Variants in FES observed in about 807,000 individuals in gnomAD.
FES encodes the protein FES proto-oncogene, tyrosine kinase.
Under a neutral mutation model 109.6 loss-of-function variants are expected in FES, and 83 were observed. The ratio of observed to expected loss-of-function variants is 0.76; its 90% CI spans 0.63 to 0.91. FES has a LOEUF of 0.91. Ranked by LOEUF, FES falls within the 40% of genes least tolerant of loss-of-function variation. FES has a pLI of 0.00. For synonymous variants in FES, 458 were observed against 442.1 expected (o/e 1.04, Z -0.45); for missense variants, 943 against 1,070.9 (o/e 0.88, Z 1.67).
At chr15:90,892,356 G>A (rs979573386) in intron 13 of FES, 8 of 595,774 alleles carry the variant, frequency 1.3e-5, no homozygotes, top group Non-Finnish European at 2.1e-5. Context: ...CGCCCCCATC[G>A]AGCTCTTGTG....
Position 90,892,692 on chromosome 15 carries a change from C to A in FES, c.1708-15C>A. 6.3e-7 allele frequency: 1 copy of A among 1,593,194 alleles called. No homozygotes were observed. Among genetic ancestry groups the A allele is most frequent in the Non-Finnish European group, 8.6e-7 (1 of 1,169,012 alleles). ...GGACTGGGAAGGCCGTGGTAGGAGC[C>A]CAAGACCGTTTCAGGGGAACTTTGG... On this transcript the variant is annotated splice_polypyrimidine_tract_variant and intron_variant, in intron 13 of 18. Transcript: ENST00000328850.
Position 90,895,573 on chromosome 15 carries a change from T to A in FES, c.*15T>A. On this transcript the variant is annotated 3_prime_UTR_variant, in exon 19 of 19. Coordinates refer to ENST00000328850, the MANE Select transcript of FES (RefSeq NM_002005.4). ...GGCATCGGTGAGGCTGGGACCCCCT[T>A]CTCAAGCTGGTGGCCTCTGCAGGCC... 5.2e-6 allele frequency: 8 copies of A among 1,540,334 alleles called. No homozygotes were observed. The highest frequency in any genetic ancestry group is 7.0e-6 in the Non-Finnish European group (8 of 1,140,894).
In FES at chr15:90,885,540, G is replaced by C. The variant is rs1596089410; in HGVS notation, c.342G>C (p.Lys114Asn). The stretch of plus-strand genomic sequence containing the variant: ...TCCGGGAACGGCAGCAGCTTCGCAA[G>C]ACCTACAGCGAGCAGTGGCAGCAGC... Reference protein sequence around the residue: ...LLIRERQQLRKTYSEQWQQLQ... With the variant: ...LLIRERQQLRNTYSEQWQQLQ... Residue 114 changes from lysine to asparagine, a missense_variant, in exon 3 of 19, where the codon AAG becomes AAC. Physicochemically the swap from Lys to Asn is moderately conservative, Grantham distance 94. Coordinates refer to ENST00000328850, the MANE Select transcript of FES (RefSeq NM_002005.4). 4 of 1,613,206 alleles carry C rather than the reference G, an allele frequency of 2.5e-6. No individual in the cohort carries two copies. The highest frequency in any genetic ancestry group is 3.4e-6 in the Non-Finnish European group (4 of 1,180,012).
rs375900918 is a variant in FES, at chr15:90,889,267, C to T, written c.669-39C>T. 1.9e-4 allele frequency: 304 copies of T among 1,609,008 alleles called. No homozygotes were observed. Among genetic ancestry groups the T allele is most frequent in the Non-Finnish European group, 2.4e-4 (287 of 1,178,120 alleles). ...CCTGAACTGCCCAGCCTTGCCCAGC[C>T]TGAGGCTCCCCTGACTGGGGATCCC... On this transcript the variant is annotated intron_variant, in intron 5 of 18. Transcript: ENST00000328850. This position sits in a 1 kb window ranked among gnomAD's most constrained non-coding sequence, Gnocchi z 6.1.
intron 5 of FES, 79 bp downstream of exon 5, chr15:90,887,449 A>C (rs1485827641): frequency 7.0e-7 from 1 of 1,425,960 alleles, no homozygotes; most frequent in African/African-American, 1.4e-5. Context: ...GGCAGGACCC[A>C]GAAAATCCAT....
Position 90,888,660 on chromosome 15 carries a change from C to T in FES, c.669-646C>T, listed in dbSNP as rs547294200. Among the ~76,000 whole-genome samples, 5 of 152,130 alleles carry T rather than the reference C, an allele frequency of 3.3e-5. No homozygotes were observed. The East Asian group carries it at 9.6e-4, about 29-fold the overall frequency. ...GTCAGGGGTCACTCTGGGGATTTGG[C>T]CTGGAGCAGCTGGAAGATGGAGTGG... On this transcript the variant is annotated intron_variant, in intron 5 of 18. Coordinates refer to ENST00000328850, the MANE Select transcript of FES (RefSeq NM_002005.4).
rs753716736 is a variant in FES, at chr15:90,891,276, G to C, written c.1530+85G>C. ...CAAGGGAAATGGCCTTTCAGGGTAG[G>C]GGGTAGCTGCCAGGTCTTGGATGCC... is the stretch of plus-strand genomic sequence containing the variant. On this transcript the variant is annotated intron_variant, in intron 11 of 18. Transcript: ENST00000328850. 1.1e-4 allele frequency: 158 copies of C among 1,474,114 alleles called. No individual in the cohort carries two copies. The Admixed American group carries it at 2.2e-3, about 21-fold the overall frequency. 91.3% of individuals were successfully genotyped at this position (1,474,114 alleles called of 1,614,324 possible).
chr15:90,890,513 A>G (rs770526007), intron 10 of FES, 29 bp downstream of exon 10: 26 of 1,596,462 alleles, frequency 1.6e-5, no homozygotes, highest in Non-Finnish European at 1.9e-5. Context: ...GGGCCCCCCT[A>G]CTGTTGTGTT....
Position 90,885,076 on chromosome 15 carries a change from C to G in FES, c.31C>G (p.Gln11Glu). 6.2e-7 allele frequency: 1 copy of G among 1,613,102 alleles called. No individual in the cohort carries two copies. The highest frequency in any genetic ancestry group is 8.5e-7 in the Non-Finnish European group (1 of 1,179,912). MGFSSELCSP[Q>E]GHGVLQQMQE... ...CTTCTCTTCCGAGCTGTGCAGCCCC[C>G]AGGGCCACGGGGTCCTGCAGCAAAT... The change falls in exon 2 of 19, where the codon CAG becomes GAG. Residue 11 changes from glutamine (Q) to glutamate (E), a missense_variant. Transcript: ENST00000328850.
rs1184618650 is a variant in FES at position 90,886,938 on chromosome 15, A to G, written c.388-23A>G. 3.7e-6 allele frequency: 6 copies of G among 1,611,030 alleles called. No individual in the cohort carries two copies. In the African/African-American group the frequency reaches 8.0e-5, roughly 22 times the overall value. On this transcript the variant is annotated intron_variant, in intron 3 of 18. Coordinates refer to ENST00000328850, the MANE Select transcript of FES (RefSeq NM_002005.4). Reference sequence around the variant, plus strand: ...CACAACTGGGGACCTGCTGCCCCACACTGGCCTCTCCTCTCTCCCTAGACC... The same window carrying G: ...CACAACTGGGGACCTGCTGCCCCACGCTGGCCTCTCCTCTCTCCCTAGACC...
chr15:90,890,418 G>A lies in FES; in HGVS notation c.1254G>A (p.Gly418=), dbSNP rs1231448467. The change falls in exon 10 of 19, where the codon GGG becomes GGA. Residue 418 remains glycine (G), a synonymous_variant. Coordinates refer to ENST00000328850, the MANE Select transcript of FES (RefSeq NM_002005.4). ...GGCCTCAGGAGCAGGAGCGAGAGGG[G>A]GGAAGGACACCCACGCTGGAGATCC... is the stretch of plus-strand genomic sequence containing the variant. ...STSSSEQERE[G]GRTPTLEILK... The A allele has an allele frequency of 6.2e-7, 1 of 1,613,118 alleles. No homozygotes were observed.
Position 90,888,496 on chromosome 15 carries a change from G to A in FES, c.669-810G>A, listed in dbSNP as rs1390458058. ...ACAGAAGCTGGGAGGCCAGAGAGCA[G>A]GCTCTTGCCATAATCCAGATCCAAG... On this transcript the variant is annotated intron_variant, in intron 5 of 18. Transcript: ENST00000328850. Among the ~76,000 whole-genome samples, 4 of 152,366 alleles carry A rather than the reference G, an allele frequency of 2.6e-5. No homozygotes were observed. The East Asian group carries it at 7.7e-4, about 29-fold the overall frequency.
intron 13 of FES, 131 bp downstream of exon 13, chr15:90,892,242 G>T: frequency 1.0e-6 from 1 of 953,422 alleles, no homozygotes; most frequent in Non-Finnish European, 1.6e-6. Context: ...TCCCTGCCCA[G>T]CCCCCACCAC....
Position 90,895,647 on chromosome 15 carries a change from C to G in FES, c.*89C>G, listed in dbSNP as rs2151275346. 1 of 1,210,488 alleles carries G rather than the reference C, an allele frequency of 8.3e-7. No individual in the cohort carries two copies. The highest frequency in any genetic ancestry group is 2.8e-5 in the East Asian group (1 of 35,874). 75.0% of individuals were successfully genotyped at this position (1,210,488 alleles called of 1,614,324 possible). A position where few individuals can be genotyped will look rare whatever the true frequency, so the allele number is the denominator to read the frequency against. On this transcript the variant is annotated 3_prime_UTR_variant, in exon 19 of 19. Transcript: ENST00000328850. ...CAGCTCATATGCTGACAGCTCTTCA[C>G]AGTCCTGGACTCCTGCCACCAGCAT...
In FES at chr15:90,894,040, C is replaced by G; in HGVS notation, c.2308C>G (p.Arg770Gly). The G allele has an allele frequency of 6.2e-7, 1 of 1,613,812 alleles. No individual in the cohort carries two copies. The highest frequency in any genetic ancestry group is 8.5e-7 in the Non-Finnish European group (1 of 1,179,990). ...PYPNLSNQQT[R>G]EFVEKGGRLP... ...TCCCAACCTCAGCAATCAGCAGACA[C>G]GGGAGTTTGTGGAGAAGGGTAAGCA... Residue 770 changes from arginine (R) to glycine (G), a missense_variant, in exon 18 of 19, where the codon CGG becomes GGG. By Grantham distance (125) the Arg-to-Gly change is moderately radical. Coordinates refer to ENST00000328850, the MANE Select transcript of FES (RefSeq NM_002005.4).
chr15:90,892,572 A>T lies in FES; in HGVS notation c.1708-135A>T, dbSNP rs2033322836. ...TCTCTAGGTTCCCCAGCGAGGGTCA[A>T]ACTCCCAGAGAGCCTGGGTGAGGGG... On this transcript the variant is annotated intron_variant, in intron 13 of 18. Coordinates refer to ENST00000328850, the MANE Select transcript of FES (RefSeq NM_002005.4). 1.5e-5 allele frequency: 11 copies of T among 748,904 alleles called. No individual in the cohort carries two copies. The South Asian group carries it at 2.1e-4, about 14-fold the overall frequency. 46.4% of individuals were successfully genotyped at this position (748,904 alleles called of 1,614,324 possible). A position where few individuals can be genotyped will look rare whatever the true frequency, so the allele number is the denominator to read the frequency against.
chr15:90,888,103 C>G (rs2032834831), intron 5 of FES, among the ~76,000 whole-genome samples: 1 of 152,076 alleles, frequency 6.6e-6, no homozygotes, highest in Admixed American at 6.6e-5. Flanking sequence ...TTTTTTGTTT[C>G]ATTTTGTTTT....
intron 13 of FES, 170 bp downstream of exon 13, chr15:90,892,281 CCTA>C (rs2033293859): frequency 2.8e-6 from 2 of 721,810 alleles, no homozygotes; most frequent in Middle Eastern, 3.8e-4. Flanking sequence ...CGGGACAGTA[CCTA>C]CCCTGAAAAC....
intron 11 of FES, 99 bp from the exon 12 acceptor site, chr15:90,891,455 G>A (rs1438349952): frequency 6.5e-7 from 1 of 1,529,094 alleles, no homozygotes; most frequent in Non-Finnish European, 9.0e-7. Flanking sequence ...CCCTGGTCCT[G>A]GGCAGGCCCT....
Sources: allele counts gnomAD v4.1 joint callset (sites outside exome capture counted in the v4.1 genomes callset), GRCh38; gene constraint gnomAD v4.1.1; non-coding constraint Gnocchi (gnomAD v3.1); transcripts MANE v1.5; gene names NCBI Gene and HGNC (gene_info 2026-07-23, HGNC 2026-07-21).